The following MS4A7 variants were observed in gnomAD, a reference collection of about 807,000 sequenced individuals.
The protein encoded by MS4A7 is membrane-spanning 4-domains subfamily A member 7.
Under a neutral mutation model 23.5 loss-of-function variants are expected in MS4A7, and 21 were observed. The ratio of observed to expected loss-of-function variants is 0.89; its 90% CI spans 0.63 to 1.29. The LOEUF (loss-of-function observed/expected upper bound fraction) is 1.29, where lower values mean the gene tolerates loss of function less well. Among genes scored for constraint, MS4A7 ranks in the 50% most tolerant of loss-of-function variants. MS4A7 has a pLI of 0.00. For missense variants in MS4A7, 263 were observed against 274.2 expected, an observed-to-expected ratio of 0.96 and a Z score of 0.29; for synonymous variants, 111 against 107.4, an observed-to-expected ratio of 1.03 and a Z score of -0.21.
intron 1 of MS4A7, among the ~76,000 whole-genome samples, chr11:60,381,732 T>G (rs2085430190): frequency 6.6e-6 from 1 of 152,206 alleles, no homozygotes; most frequent in Admixed American, 6.5e-5. Flanking sequence ...ATATGTGTCA[T>G]CTTATCCAAC....
rs1247254506 is a variant in MS4A7 at position 60,388,879 on chromosome 11, T to C, written c.340-511T>C. On this transcript the variant is annotated intron_variant, in intron 4 of 6. Transcript: ENST00000300184. The stretch of plus-strand genomic sequence containing the variant: ...CAATTCAAGATCAATTGCTTGTCAA[T>C]TGAAAGCCTATTTTATGTTCCCACA... Among the ~76,000 whole-genome samples, 4 of 152,258 alleles carry C rather than the reference T, an allele frequency of 2.6e-5. No individual in the cohort carries two copies. The South Asian group carries it at 6.2e-4, about 24-fold the overall frequency.
Position 60,386,872 on chromosome 11 carries a change from A to G in MS4A7, c.339+99A>G. On this transcript the variant is annotated intron_variant, in intron 4 of 6. Coordinates refer to ENST00000300184, the MANE Select transcript of MS4A7 (RefSeq NM_021201.5). ...AATCCCTATTTTACAATTTAGAGAG[A>G]AAAAGCTTAGAACAGGCTAGGAAGC... The G allele has an allele frequency of 4.5e-6, 5 of 1,104,934 alleles. No individual in the cohort carries two copies. The South Asian group carries it at 8.0e-5, about 18-fold the overall frequency. The allele number at this position is 1,104,934 out of a possible 1,614,324, so 68.4% of individuals were successfully genotyped here. A position where few individuals can be genotyped will look rare whatever the true frequency, so the allele number is the denominator to read the frequency against.
At position 60,388,641 on chromosome 11, in the gene MS4A7, G is replaced by T. The variant is rs188103158; in HGVS notation, c.340-749G>T. Among the ~76,000 whole-genome samples, 94 of 152,290 alleles carry T rather than the reference G, an allele frequency of 6.2e-4. 1 individual carries two copies. The highest frequency in any genetic ancestry group is 3.4e-3 in the Middle Eastern group (1 of 294). On this transcript the variant is annotated intron_variant, in intron 4 of 6. Transcript: ENST00000300184. ...GGTGTGTGGCAGGGAAGAGAGAAAG[G>T]CTGCTACGGAGAGAAGCAAAGGCTT...
intron 3 of MS4A7, among the ~76,000 whole-genome samples, chr11:60,386,242 T>G (rs1340537809): frequency 6.6e-6 from 1 of 152,190 alleles, no homozygotes; most frequent in Non-Finnish European, 1.5e-5. Context: ...CTCTTCCCAC[T>G]TTCCTCGACT....
intron 4 of MS4A7, among the ~76,000 whole-genome samples, chr11:60,388,817 A>G (rs1377679532): frequency 1.3e-5 from 2 of 152,206 alleles, no homozygotes; most frequent in Non-Finnish European, 2.9e-5. Flanking sequence ...GGAAAATCGA[A>G]GGCATATGCT....
intron 5 of MS4A7, chr11:60,390,109 T>C (rs2085535456): frequency 6.1e-6 from 1 of 163,996 alleles, no homozygotes; most frequent in Non-Finnish European, 1.3e-5. Context: ...CAAGCCTGTA[T>C]GCTACATTAT....
At chr11:60,384,839 CA>C (rs151301666) in intron 2 of MS4A7, among the ~76,000 whole-genome samples, 5,278 of 152,046 alleles carry the variant, frequency 0.035, 117 homozygotes, top group Non-Finnish European at 0.047. Context: ...GTATCTTTTT[CA>C]AAAAAAGTTA....
chr11:60,383,075 TTA>T, intron 1 of MS4A7, 52 bp from the exon 2 acceptor site: 1 of 1,581,778 alleles, frequency 6.3e-7, no homozygotes, highest in Non-Finnish European at 8.6e-7. Flanking sequence ...CCTGGGAAGT[TTA>T]TGTCTGTAAG....
At chr11:60,386,400 T>C (rs2085487628) in intron 3 of MS4A7, 1 of 279,800 alleles carries the variant, frequency 3.6e-6, no homozygotes, top group Non-Finnish European at 6.6e-6. Flanking sequence ...CAACCTCCTC[T>C]CTTTCAACCC....
Position 60,395,761 on chromosome 11 carries a change from A to G in MS4A7, c.*1900A>G, listed in dbSNP as rs1053757801. 1 of 152,150 alleles carries G rather than the reference A, an allele frequency of 6.6e-6. No individual in the cohort carries two copies. The highest frequency in any genetic ancestry group is 1.5e-5 in the Non-Finnish European group (1 of 68,022). The allele number at this position is 152,150 out of a possible 1,614,324, so 9.4% of individuals were successfully genotyped here. A position where few individuals can be genotyped will look rare whatever the true frequency, so the allele number is the denominator to read the frequency against. On this transcript the variant is annotated 3_prime_UTR_variant, in exon 7 of 7. Coordinates refer to ENST00000300184, the MANE Select transcript of MS4A7 (RefSeq NM_021201.5). ...ATTTGAAAATGCAAAGAATTGTTAAATGTTCTTAAATGTTCTCACTACAAA... is the reference window on the plus strand; with the variant it reads ...ATTTGAAAATGCAAAGAATTGTTAAGTGTTCTTAAATGTTCTCACTACAAA...
chr11:60,382,572 G>A (rs150657765), intron 1 of MS4A7, among the ~76,000 whole-genome samples: 9 of 152,282 alleles, frequency 5.9e-5, no homozygotes, highest in Non-Finnish European at 8.8e-5. Context: ...TACTAATTAC[G>A]AAGCCAATAT....
chr11:60,389,717 TAAAC>T, intron 5 of MS4A7, 121 bp downstream of exon 5: 1 of 899,090 alleles, frequency 1.1e-6, no homozygotes, highest in Non-Finnish European at 1.8e-6. Context: ...CAGACAGAAA[TAAAC>T]AAAAACTTGT....
rs1298690174 is a variant in MS4A7, at chr11:60,395,782, A to G, written c.*1921A>G. 3 of 152,160 alleles carry G rather than the reference A, an allele frequency of 2.0e-5. No individual in the cohort carries two copies. The highest frequency in any genetic ancestry group is 7.2e-5 in the African/African-American group (3 of 41,450). 9.4% of individuals were successfully genotyped at this position (152,160 alleles called of 1,614,324 possible). A position where few individuals can be genotyped will look rare whatever the true frequency, so the allele number is the denominator to read the frequency against. On this transcript the variant is annotated 3_prime_UTR_variant, in exon 7 of 7. Coordinates refer to ENST00000300184, the MANE Select transcript of MS4A7 (RefSeq NM_021201.5). ...TTAAATGTTCTTAAATGTTCTCACT[A>G]CAAAAAAAGAAAAAAGATAACTACG...
At chr11:60,390,040 A>G (rs1225083872) in intron 5 of MS4A7, 1 of 212,508 alleles carries the variant, frequency 4.7e-6, no homozygotes, top group Non-Finnish European at 9.6e-6. Flanking sequence ...TTGTCTTCTG[A>G]TCATCAGTGA....
chr11:60,389,394 T>C lies in MS4A7; in HGVS notation c.344T>C (p.Leu115Pro). ...SGKQSTKPFDLSSLTSNAVSS... is the reference protein window; with the variant it reads ...SGKQSTKPFDPSSLTSNAVSS... ...AATGCAGAGTTTCTCTTCCAGGACC[T>C]GAGCAGCTTGACCTCAAATGCAGTG... Residue 115 changes from leucine to proline, a missense_variant, in exon 5 of 7, where the codon CTG (leucine) becomes CCG (proline). Leu to Pro is a moderately conservative substitution (Grantham distance 98). Transcript: ENST00000300184. 1 of 1,609,780 alleles carries C rather than the reference T, an allele frequency of 6.2e-7. No individual in the cohort carries two copies.
Position 60,394,844 on chromosome 11 carries a change from T to C in MS4A7, c.*983T>C, listed in dbSNP as rs1250618542. 4.3e-6 allele frequency: 2 copies of C among 470,246 alleles called. No individual in the cohort carries two copies. Among genetic ancestry groups the C allele is most frequent in the East Asian group, 3.2e-5 (1 of 30,786 alleles). The allele number at this position is 470,246 out of a possible 1,614,324, so 29.1% of individuals were successfully genotyped here. ...TAAATAAAAATAAAAATAGACTATA[T>C]ATAGTCTTTGAATTCATTTATTTTA... On this transcript the variant is annotated 3_prime_UTR_variant, in exon 7 of 7. Transcript: ENST00000300184.
In MS4A7 at chr11:60,383,119, C is replaced by T; in HGVS notation, c.-13-10C>T. On this transcript the variant is annotated splice_polypyrimidine_tract_variant and intron_variant, in intron 1 of 6. Transcript: ENST00000300184. ...CTTGGGAAGTAACTGAGTTTTGATG[C>T]CTCTTCCAGCATCATCAGCATCATG... 1 of 1,608,754 alleles carries T rather than the reference C, an allele frequency of 6.2e-7. No homozygotes were observed. The highest frequency in any genetic ancestry group is 8.5e-7 in the Non-Finnish European group (1 of 1,177,194).
rs2085609804 is a variant in MS4A7, at chr11:60,395,727, TTTTG to T, written c.*1870_*1873del. 1 of 152,218 alleles carries T rather than the reference TTTTG, an allele frequency of 6.6e-6. No homozygotes were observed. The highest frequency in any genetic ancestry group is 1.5e-5 in the Non-Finnish European group (1 of 68,032). The allele number at this position is 152,218 out of a possible 1,614,324, so 9.4% of individuals were successfully genotyped here. ...TATAGCATCTTTACTACTGATTTTT[TTTTG>T]TTTAATTTGAAAATGCAAAGAATTG... On this transcript the variant is annotated 3_prime_UTR_variant, in exon 7 of 7. Coordinates refer to ENST00000300184, the MANE Select transcript of MS4A7 (RefSeq NM_021201.5).
rs1565165663 is a variant in MS4A7, at chr11:60,383,296, C to T, written c.147+8C>T. On this transcript the variant is annotated splice_region_variant and intron_variant, in intron 2 of 6. Coordinates refer to ENST00000300184, the MANE Select transcript of MS4A7 (RefSeq NM_021201.5). ...GAAACCACCGTTCTTGGGGTAAGTC[C>T]ACCTCATTATAAGGGGAATACTGAG... 2 of 1,613,938 alleles carry T rather than the reference C, an allele frequency of 1.2e-6. No homozygotes were observed.
Sources: allele counts gnomAD v4.1 joint callset (sites outside exome capture counted in the v4.1 genomes callset), GRCh38; gene constraint gnomAD v4.1.1; transcripts MANE v1.5; gene names NCBI Gene and HGNC (gene_info 2026-07-23, HGNC 2026-07-21).